AGBL4: variants seen among roughly 807,000 people sequenced by gnomAD.
The protein encoded by AGBL4 is AGBL carboxypeptidase 4, also known as cytosolic carboxypeptidase 6.
Under a neutral mutation model 66.4 loss-of-function variants are expected in AGBL4, and 58 were observed. The ratio of observed to expected loss-of-function variants is 0.87; its 90% confidence interval spans 0.71 to 1.09. The LOEUF (loss-of-function observed/expected upper bound fraction) is 1.09. Among genes scored for constraint, AGBL4 ranks in the 50% least tolerant of loss-of-function variants. The pLI, the probability that AGBL4 is intolerant of heterozygous loss-of-function variation, is 0.00. For synonymous variants in AGBL4, 234 were observed against 222.9 expected (o/e 1.05, Z -0.44); for missense variants, 579 against 631.0 (o/e 0.92, Z 0.88).
intron 3 of AGBL4, among the ~76,000 whole-genome samples, chr1:49,304,301 G>T (rs1215847116): frequency 6.6e-6 from 1 of 152,136 alleles, no homozygotes; most frequent in East Asian, 1.9e-4. Flanking sequence ...TTATTTCTGA[G>T]ATCTCTATTC....
At chr1:49,989,748 T>C (rs762220376) in intron 1 of AGBL4, among the ~76,000 whole-genome samples, 2 of 152,174 alleles carry the variant, frequency 1.3e-5, no homozygotes, top group African/African-American at 2.4e-5. Context: ...AATGTTTAAA[T>C]ATGAAATGGC....
intron 3 of AGBL4, among the ~76,000 whole-genome samples, chr1:49,351,310 G>C (rs1476604104): frequency 6.6e-6 from 1 of 152,044 alleles, no homozygotes; most frequent in Admixed American, 6.6e-5. Context: ...TCTGAATGTG[G>C]TCTTTTCAGG....
At chr1:49,529,007 A>G (rs1313999047) in intron 3 of AGBL4, among the ~76,000 whole-genome samples, 1 of 152,124 alleles carries the variant, frequency 6.6e-6, no homozygotes, top group Non-Finnish European at 1.5e-5. Context: ...CAAAGTCATT[A>G]AAGAATCATG....
chr1:49,541,444 C>A (rs574821324), intron 3 of AGBL4, among the ~76,000 whole-genome samples: 3 of 152,310 alleles, frequency 2.0e-5, no homozygotes, highest in Admixed American at 6.5e-5. Context: ...GCAGGTGCTG[C>A]CAGCCCCGGG....
chr1:49,090,081 A>G (rs1644975963), intron 4 of AGBL4, among the ~76,000 whole-genome samples: 1 of 152,142 alleles, frequency 6.6e-6, no homozygotes, highest in Non-Finnish European at 1.5e-5. Context: ...GCACTGAAGG[A>G]ACATACCTCA....
chr1:48,719,290 A>T (rs12405507), intron 6 of AGBL4, among the ~76,000 whole-genome samples: 1 of 152,006 alleles, frequency 6.6e-6, no homozygotes, highest in African/African-American at 2.4e-5. Flanking sequence ...CTCTGGACAT[A>T]GTTGCCCTGG....
intron 6 of AGBL4, among the ~76,000 whole-genome samples, chr1:48,804,235 C>T (rs1241340035): frequency 1.3e-5 from 2 of 152,184 alleles, no homozygotes; most frequent in Admixed American, 1.3e-4. Context: ...ACTGCCTCTT[C>T]TCCAATCCAT....
chr1:48,879,292 T>C (rs189107789), intron 5 of AGBL4, among the ~76,000 whole-genome samples: 12 of 152,126 alleles, frequency 7.9e-5, no homozygotes, highest in Admixed American at 7.2e-4. Flanking sequence ...TGTGTGTGTG[T>C]GCACGAGTGT....
chr1:49,534,171 CA>C (rs71059553), intron 3 of AGBL4, among the ~76,000 whole-genome samples: 347 of 67,036 alleles, frequency 5.2e-3, no homozygotes, highest in Non-Finnish European at 5.8e-3. Context: ...CACCATTTTA[CA>C]AAAAAAAAAA....
intron 5 of AGBL4, among the ~76,000 whole-genome samples, chr1:48,883,686 C>A (rs1306099801): frequency 1.3e-5 from 2 of 152,180 alleles, no homozygotes; most frequent in East Asian, 3.8e-4. Context: ...ACTGTAGCCC[C>A]ACCATCGAAT....
chr1:49,309,179 T>C (rs897057008), intron 3 of AGBL4, among the ~76,000 whole-genome samples: 2 of 152,136 alleles, frequency 1.3e-5, no homozygotes, highest in Non-Finnish European at 2.9e-5. Flanking sequence ...TGGCAAGTTA[T>C]TTCACTTGCA....
At chr1:48,629,112 A>G (rs1272593135) in intron 9 of AGBL4, among the ~76,000 whole-genome samples, 1 of 152,146 alleles carries the variant, frequency 6.6e-6, no homozygotes, top group Non-Finnish European at 1.5e-5. Context: ...TTCATCAAAC[A>G]CTGGGTGCAC....
chr1:49,196,430 T>C (rs923021572), intron 4 of AGBL4, among the ~76,000 whole-genome samples: 1 of 152,190 alleles, frequency 6.6e-6, no homozygotes, highest in Non-Finnish European at 1.5e-5. Context: ...TCTGATTTCT[T>C]TGTATTGGTT....
Position 48,934,832 on chromosome 1 carries a change from AG to A in AGBL4, c.595-67603del, listed in dbSNP as rs369454092. Among the ~76,000 whole-genome samples, 25 of 152,270 alleles carry A rather than the reference AG, an allele frequency of 1.6e-4. 1 individual carries two copies. The East Asian group carries it at 4.6e-3, about 28-fold the overall frequency. On this transcript the variant is annotated intron_variant, in intron 5 of 13. Coordinates refer to ENST00000371839, the MANE Select transcript of AGBL4 (RefSeq NM_032785.4). ...ACTTTAATTTGGTGTTGTTCTATTCAGTCCCTGGCTCCAAGTCTTTTAAGAT... is the reference window on the plus strand; with the variant it reads ...ACTTTAATTTGGTGTTGTTCTATTCATCCCTGGCTCCAAGTCTTTTAAGAT...
At chr1:48,552,689 C>T (rs1644266500) in intron 11 of AGBL4, among the ~76,000 whole-genome samples, 1 of 152,166 alleles carries the variant, frequency 6.6e-6, no homozygotes, top group African/African-American at 2.4e-5. Context: ...GGGGCAAACA[C>T]ACCTGGGGGT....
At chr1:48,905,101 AC>A (rs1445670974) in intron 5 of AGBL4, among the ~76,000 whole-genome samples, 2 of 152,202 alleles carry the variant, frequency 1.3e-5, no homozygotes, top group Non-Finnish European at 2.9e-5. Context: ...AGCCTGGGTA[AC>A]TAACGAGGAA....
intron 2 of AGBL4, among the ~76,000 whole-genome samples, chr1:49,838,038 G>A (rs1645896981): frequency 6.6e-6 from 1 of 152,168 alleles, no homozygotes; most frequent in African/African-American, 2.4e-5. Flanking sequence ...GTCAGTGAAA[G>A]AGCTCGTGCC....
chr1:49,334,041 T>C (rs926426874), intron 3 of AGBL4, among the ~76,000 whole-genome samples: 1 of 152,178 alleles, frequency 6.6e-6, no homozygotes, highest in Non-Finnish European at 1.5e-5. Context: ...CTAGACACTA[T>C]CATCTGTTGC....
chr1:48,694,048 CAAAAAAAAAA>C (rs61574470), intron 6 of AGBL4, among the ~76,000 whole-genome samples: 1 of 56,978 alleles, frequency 1.8e-5, no homozygotes, highest in African/African-American at 4.7e-5. Context: ...TTTCCCTATT[CAAAAAAAAAA>C]AAAAAAAAAA....
Sources: gnomAD v4.1 joint callset for allele counts (sites outside exome capture counted in the v4.1 genomes callset) on GRCh38, gnomAD v4.1.1 for gene constraint, MANE v1.5 for transcripts, NCBI Gene and HGNC (gene_info 2026-07-23, HGNC 2026-07-21) for gene names.